Variants in ADAMTSL1 observed in about 807,000 individuals in gnomAD.
ADAMTSL1 encodes the protein ADAMTS like 1.
ADAMTSL1 carries 126 observed loss-of-function variants against 201.8 expected under a neutral mutation model. The ratio of observed to expected loss-of-function variants is 0.62; its 90% CI spans 0.54 to 0.72. The LOEUF is 0.72. Ranked by LOEUF, ADAMTSL1 falls within the 30% of genes least tolerant of loss-of-function variation. The pLI, the probability that ADAMTSL1 is intolerant of heterozygous loss-of-function variation, is 0.00. For synonymous variants in ADAMTSL1, 1,121 were observed against 903.4 expected (o/e 1.24, Z -4.32); for missense variants, 2,679 against 2,277.8 (o/e 1.18, Z -3.59).
At chr9:18,074,492 T>TTTTCC (rs1823110312) in intron 1 of ADAMTSL1, among the ~76,000 whole-genome samples, 1 of 88,034 alleles carries the variant, frequency 1.1e-5, no homozygotes, top group Non-Finnish European at 2.4e-5. Context: ...TTTTCTTTTC[T>TTTTCC]TTTCTTTTCT....
At chr9:18,650,050 C>G (rs994921069) in intron 7 of ADAMTSL1, among the ~76,000 whole-genome samples, 4 of 152,218 alleles carry the variant, frequency 2.6e-5, no homozygotes, top group Admixed American at 6.5e-5. Flanking sequence ...CCACCCAGTT[C>G]GAGCTTCCAG....
chr9:18,344,831 A>G (rs776474505), intron 2 of ADAMTSL1, among the ~76,000 whole-genome samples: 1 of 152,124 alleles, frequency 6.6e-6, no homozygotes, highest in Admixed American at 6.5e-5. Context: ...CTAACATTCA[A>G]GACTTGATTT....
chr9:18,169,419 A>G (rs2132117476), intron 2 of ADAMTSL1, among the ~76,000 whole-genome samples: 1 of 152,228 alleles, frequency 6.6e-6, no homozygotes, highest in South Asian at 2.1e-4. Flanking sequence ...CAGGTTTGCC[A>G]AAGATCAGAT....
At chr9:18,693,769 T>G (rs918196088) in intron 13 of ADAMTSL1, among the ~76,000 whole-genome samples, 1 of 152,180 alleles carries the variant, frequency 6.6e-6, no homozygotes, top group South Asian at 2.1e-4. Flanking sequence ...AGGGGGACAA[T>G]TATTACATAA....
Position 18,633,143 on chromosome 9 carries a change from G to C in ADAMTSL1, c.602-2800G>C, listed in dbSNP as rs543454065. On this transcript the variant is annotated intron_variant, in intron 5 of 28. Transcript: ENST00000380548. ...GAAGACTGCTGCTGAGCATGGCAGG[G>C]CCAAACAGAAAGCTTTCCTTTTACT... Among the ~76,000 whole-genome samples the C allele has an allele frequency of 5.3e-5, 8 of 152,314 alleles. No homozygotes were observed. In the South Asian group the frequency reaches 1.2e-3, roughly 24 times the overall value.
intron 4 of ADAMTSL1, among the ~76,000 whole-genome samples, chr9:18,587,930 A>G (rs1399706393): frequency 6.6e-6 from 1 of 152,236 alleles, no homozygotes; most frequent in Non-Finnish European, 1.5e-5. Context: ...GCTGGAATAA[A>G]CATGGGAATG....
chr9:18,521,470 G>T (rs1283116084), intron 2 of ADAMTSL1, among the ~76,000 whole-genome samples: 1 of 150,346 alleles, frequency 6.7e-6, no homozygotes, highest in African/African-American at 2.5e-5. Flanking sequence ...TTTAAAAAAA[G>T]CATTGTCCTG....
At chr9:18,085,569 ATATATACACACTGTGTGTGTGTATACG>A (rs1563990866) in intron 1 of ADAMTSL1, among the ~76,000 whole-genome samples, 1 of 147,400 alleles carries the variant, frequency 6.8e-6, no homozygotes, top group Non-Finnish European at 1.5e-5. Flanking sequence ...GTGTGTATAC[ATATATACACACTGTGTGTGTGTATACG>A]TATATACACT....
intron 4 of ADAMTSL1, among the ~76,000 whole-genome samples, chr9:18,593,834 G>A (rs900413782): frequency 3.3e-5 from 5 of 151,768 alleles, no homozygotes; most frequent in Non-Finnish European, 1.5e-5. Flanking sequence ...CTAACATATG[G>A]GCTGTCCTTG....
chr9:18,710,668 TTTG>T lies in ADAMTSL1; in HGVS notation c.1876+3623_1876+3625del, dbSNP rs796073618. Among the ~76,000 whole-genome samples the T allele has an allele frequency of 5.9e-3, 855 of 145,216 alleles. 51 individuals carry two copies. Among genetic ancestry groups the T allele is most frequent in the African/African-American group, 0.02 (779 of 39,152 alleles). ...AGTCTTAGAAGGGCCTAAGTTTTGT[TTTG>T]TTTTTTTTTTTTTTTTTTTACAAAA... On this transcript the variant is annotated intron_variant, in intron 14 of 28. Transcript: ENST00000380548.
At chr9:18,748,139 G>A (rs1281467726) in intron 15 of ADAMTSL1, among the ~76,000 whole-genome samples, 2 of 152,158 alleles carry the variant, frequency 1.3e-5, no homozygotes, top group Non-Finnish European at 2.9e-5. Context: ...GACAGAAACA[G>A]GGAGAAGAAG....
chr9:18,604,774 G>A (rs78858748), intron 4 of ADAMTSL1, among the ~76,000 whole-genome samples: 9,045 of 152,180 alleles, frequency 0.059, 350 homozygotes, highest in Non-Finnish European at 0.091. Flanking sequence ...GTAGATAGGC[G>A]CAAAAGTAGC....
At chr9:18,204,901 C>G (rs556699413) in intron 2 of ADAMTSL1, among the ~76,000 whole-genome samples, 10 of 152,184 alleles carry the variant, frequency 6.6e-5, no homozygotes, top group Non-Finnish European at 1.3e-4. Flanking sequence ...TTTATATCCA[C>G]TGTATTATGG....
chr9:18,412,487 C>A (rs1587118019), intron 2 of ADAMTSL1, among the ~76,000 whole-genome samples: 1 of 152,158 alleles, frequency 6.6e-6, no homozygotes. Flanking sequence ...CATAAAAGAA[C>A]ATTTCCTTGT....
At chr9:18,521,874 C>G (rs548286416) in intron 2 of ADAMTSL1, among the ~76,000 whole-genome samples, 3 of 152,242 alleles carry the variant, frequency 2.0e-5, no homozygotes, top group African/African-American at 7.2e-5. Flanking sequence ...GTGAAACCCA[C>G]AGGGATGGCT....
intron 2 of ADAMTSL1, among the ~76,000 whole-genome samples, chr9:18,348,490 G>C (rs1473430139): frequency 6.6e-6 from 1 of 152,214 alleles, no homozygotes; most frequent in African/African-American, 2.4e-5. Context: ...TGACATGTAA[G>C]TGAGCAAATG....
At chr9:17,952,162 C>T (rs2131375612) in intron 1 of ADAMTSL1, among the ~76,000 whole-genome samples, 1 of 151,114 alleles carries the variant, frequency 6.6e-6, no homozygotes, top group South Asian at 2.1e-4. Flanking sequence ...CTACGTTGCC[C>T]AGGCAGGCCT....
At chr9:18,798,415 AT>A (rs148545277) in intron 20 of ADAMTSL1, among the ~76,000 whole-genome samples, 1,677 of 152,346 alleles carry the variant, frequency 0.011, 31 homozygotes, top group African/African-American at 0.034. Context: ...TGGAGATTAA[AT>A]GCAATCATTC....
At chr9:18,077,384 G>A (rs1159586159) in intron 1 of ADAMTSL1, among the ~76,000 whole-genome samples, 2 of 152,178 alleles carry the variant, frequency 1.3e-5, no homozygotes, top group African/African-American at 2.4e-5. Context: ...AAGAGGAGGA[G>A]GTTGCAAAGG....
Sources: allele counts gnomAD v4.1 joint callset (sites outside exome capture counted in the v4.1 genomes callset), GRCh38; gene constraint gnomAD v4.1.1; transcripts MANE v1.5; gene names NCBI Gene and HGNC (gene_info 2026-07-23, HGNC 2026-07-21).